PCBP4: variants seen among roughly 807,000 people sequenced by gnomAD.
PCBP4 encodes poly(rC) binding protein 4.
Under a neutral mutation model 46.2 loss-of-function variants are expected in PCBP4, and 24 were observed. The ratio of observed to expected loss-of-function variants is 0.52; its 90% CI spans 0.38 to 0.73. PCBP4 has a LOEUF of 0.73. Ranked by LOEUF, PCBP4 falls within the 30% of genes least tolerant of loss-of-function variation. The pLI is 0.00. For synonymous variants in PCBP4, 203 were observed against 224.4 expected (o/e 0.90, Z 0.85); for missense variants, 407 against 537.0 (o/e 0.76, Z 2.39).
chr3:51,960,132 T>G lies in PCBP4; in HGVS notation c.387+57A>C. On this transcript the variant is annotated intron_variant, in intron 7 of 13. Coordinates refer to ENST00000461554, the MANE Select transcript of PCBP4 (RefSeq NM_001174100.2). The surrounding 1 kb of genome is among the most constrained non-coding windows in gnomAD (Gnocchi z 5.0). The stretch of plus-strand genomic sequence containing the variant: ...GAGGACGCCATAAGCCCAACACCCC[T>G]CTTACAACTGCTCCCTTGCCCCGGA... The G allele has an allele frequency of 1.2e-6, 2 of 1,614,044 alleles. No homozygotes were observed. Among genetic ancestry groups the G allele is most frequent in the Non-Finnish European group, 1.7e-6 (2 of 1,179,946 alleles).
At chr3:51,965,930 GGGGTACGTTTCACA>G (rs1269156778) in intron 1 of PCBP4, among the ~76,000 whole-genome samples, 1 of 152,176 alleles carries the variant, frequency 6.6e-6, no homozygotes, top group Non-Finnish European at 1.5e-5. Context: ...GCTGGGGGGT[GGGGTACGTTTCACA>G]GAGTCGAGTT....
chr3:51,960,084 A>C lies in PCBP4; in HGVS notation c.388-61T>G. On this transcript the variant is annotated intron_variant, in intron 7 of 13. Coordinates refer to ENST00000461554, the MANE Select transcript of PCBP4 (RefSeq NM_001174100.2). This position sits in a 1 kb window ranked among gnomAD's most constrained non-coding sequence, Gnocchi z 5.0. ...CCCATAACCCAGAAAAGGGCTGCCC[A>C]GGCTCAGAGCTCTCTAGGTGGGGAG... 6.2e-7 allele frequency: 1 copy of C among 1,614,166 alleles called. No homozygotes were observed. The highest frequency in any genetic ancestry group is 8.5e-7 in the Non-Finnish European group (1 of 1,179,990).
chr3:51,959,786 G>A lies in PCBP4; in HGVS notation c.516+109C>T. On this transcript the variant is annotated intron_variant, in intron 8 of 13. Transcript: ENST00000461554. This position sits in a 1 kb window ranked among gnomAD's most constrained non-coding sequence, Gnocchi z 5.6. The stretch of plus-strand genomic sequence containing the variant: ...TCCCTGGAGCTCATCATCCATCCCT[G>A]CAGCCCTGCCCTGCCCCACCTGCAG... 5 of 1,509,804 alleles carry A rather than the reference G, an allele frequency of 3.3e-6. No individual in the cohort carries two copies. The highest frequency in any genetic ancestry group is 1.4e-5 in the African/African-American group (1 of 72,530). 93.5% of individuals were successfully genotyped at this position (1,509,804 alleles called of 1,614,324 possible). A position where few individuals can be genotyped will look rare whatever the true frequency, so the allele number is the denominator to read the frequency against.
rs77848525 is a variant in PCBP4 at position 51,959,402 on chromosome 3, C to G, written c.601G>C (p.Val201Leu). Residue 201 changes from valine (V) to leucine (L), a missense_variant, in exon 10 of 14, where the codon GTC becomes CTC. Physicochemically the swap from Val to Leu is conservative, Grantham distance 32. Coordinates refer to ENST00000461554, the MANE Select transcript of PCBP4 (RefSeq NM_001174100.2). This position sits in a 1 kb window ranked among gnomAD's most constrained non-coding sequence, Gnocchi z 5.6. ...VLLSANQGFS[V>L]QGQYGAVTPA... ...GTCACAGCCCCATACTGACCCTGGA[C>G]AGAGAAGCCCTGTGGGGACAAAGTG... 6.2e-7 allele frequency: 1 copy of G among 1,608,444 alleles called. No homozygotes were observed. The highest frequency in any genetic ancestry group is 1.7e-5 in the Admixed American group (1 of 59,488).
At position 51,959,038 on chromosome 3, in the gene PCBP4, C is replaced by T; in HGVS notation, c.753+9G>A. On this transcript the variant is annotated intron_variant, in intron 12 of 13. Transcript: ENST00000461554. The surrounding 1 kb of genome is among the most constrained non-coding windows in gnomAD (Gnocchi z 5.6). ...TACCCACCCTCCAGCCATCCCATCC[C>T]CTGCTCACATCGTTGGGAACCAAGA... The T allele has an allele frequency of 6.2e-7, 1 of 1,613,832 alleles. No individual in the cohort carries two copies. Among genetic ancestry groups the T allele is most frequent in the Non-Finnish European group, 8.5e-7 (1 of 1,179,838 alleles).
chr3:51,961,317 G>T lies in PCBP4; in HGVS notation c.-64-13C>A. 4 of 1,538,886 alleles carry T rather than the reference G, an allele frequency of 2.6e-6. No individual in the cohort carries two copies. The highest frequency in any genetic ancestry group is 1.9e-5 in the Admixed American group (1 of 52,756). ...AACCTGGCCGGCTCTGGCAGGGGCAGCCAAAGAGGGGTTCGAGAGGAGCCC... is the reference window on the plus strand; with the variant it reads ...AACCTGGCCGGCTCTGGCAGGGGCATCCAAAGAGGGGTTCGAGAGGAGCCC... On this transcript the variant is annotated splice_polypyrimidine_tract_variant and intron_variant, in intron 2 of 13. Transcript: ENST00000461554.
At position 51,959,658 on chromosome 3, in the gene PCBP4, G is replaced by A. The variant is rs761500409; in HGVS notation, c.517-7C>T. ...TGGCTCCTTTGGGTGGGGACTGGAAGGCATAAACAGGGCTCTGTCAGGACC... is the reference window on the plus strand; with the variant it reads ...TGGCTCCTTTGGGTGGGGACTGGAAAGCATAAACAGGGCTCTGTCAGGACC... On this transcript the variant is annotated splice_polypyrimidine_tract_variant and splice_region_variant and intron_variant, in intron 8 of 13. Coordinates refer to ENST00000461554, the MANE Select transcript of PCBP4 (RefSeq NM_001174100.2). The surrounding 1 kb of genome is among the most constrained non-coding windows in gnomAD (Gnocchi z 5.6). 9.7e-6 allele frequency: 15 copies of A among 1,550,864 alleles called. No individual in the cohort carries two copies. Among genetic ancestry groups the A allele is most frequent in the South Asian group, 2.4e-5 (2 of 84,100 alleles).
chr3:51,959,966 C>T lies in PCBP4; in HGVS notation c.445G>A (p.Ala149Thr), dbSNP rs1559758685. The change falls in exon 8 of 14, where the codon GCT becomes ACT. Residue 149 changes from alanine (A) to threonine (T), a missense_variant. By Grantham distance (58) the Ala-to-Thr change is moderately conservative. Transcript: ENST00000461554. The surrounding 1 kb of genome is among the most constrained non-coding windows in gnomAD (Gnocchi z 5.6). ...TCAGGCACCCCAGATACCGTAACAG[C>T]TCGCTCTGTGGAGTTGGGGAGCAGG... is the stretch of plus-strand genomic sequence containing the variant. ...GDLLPNSTER[A>T]VTVSGVPDAI... 3.1e-6 allele frequency: 5 copies of T among 1,613,750 alleles called. No individual in the cohort carries two copies. The highest frequency in any genetic ancestry group is 1.1e-5 in the South Asian group (1 of 91,054).
intron 1 of PCBP4, among the ~76,000 whole-genome samples, chr3:51,966,160 G>C (rs528803099): frequency 1.3e-5 from 2 of 152,236 alleles, no homozygotes; most frequent in Admixed American, 1.3e-4. Context: ...GGGCAGCAGT[G>C]ATGGGAGTAG....
At chr3:51,966,270 C>G (rs551073294) in intron 1 of PCBP4, among the ~76,000 whole-genome samples, 1 of 152,276 alleles carries the variant, frequency 6.6e-6, no homozygotes, top group Non-Finnish European at 1.5e-5. Flanking sequence ...CCCAGCCCCC[C>G]ACCCTGAGCA....
At position 51,960,583 on chromosome 3, in the gene PCBP4, G is replaced by T; in HGVS notation, c.198C>A (p.Thr66=). The T allele has an allele frequency of 6.2e-7, 1 of 1,614,172 alleles. No homozygotes were observed. Among genetic ancestry groups the T allele is most frequent in the South Asian group, 1.1e-5 (1 of 91,086 alleles). Residue 66 remains threonine, a synonymous_variant, in exon 6 of 14, where the codon ACC becomes ACA. Coordinates refer to ENST00000461554, the MANE Select transcript of PCBP4 (RefSeq NM_001174100.2). The surrounding 1 kb of genome is among the most constrained non-coding windows in gnomAD (Gnocchi z 5.0). ...CATGGAAGACAGCTGCTGTAGACCC[G>T]GTGATGGTGGTGATGCGTTCAGGGC... ...GSCPERITTI[T]GSTAAVFHAV... is the part of the protein sequence containing the mutation.
Position 51,960,813 on chromosome 3 carries a change from A to T in PCBP4, c.138+53T>A. On this transcript the variant is annotated intron_variant, in intron 5 of 13. Coordinates refer to ENST00000461554, the MANE Select transcript of PCBP4 (RefSeq NM_001174100.2). The surrounding 1 kb of genome is among the most constrained non-coding windows in gnomAD (Gnocchi z 5.0). ...GGTTCAGAGAGAAAGTGGGGCAGGG[A>T]TCTCCCCTCCACATCAGGTGCCCTG... 3.8e-6 allele frequency: 6 copies of T among 1,587,084 alleles called. No individual in the cohort carries two copies. The South Asian group carries it at 6.6e-5, about 18-fold the overall frequency.
chr3:51,960,519 C>T lies in PCBP4; in HGVS notation c.255+7G>A, dbSNP rs755712953. On this transcript the variant is annotated splice_region_variant and intron_variant, in intron 6 of 13. Transcript: ENST00000461554. This position sits in a 1 kb window ranked among gnomAD's most constrained non-coding sequence, Gnocchi z 5.0. ...CTCTTGGCGTCCTGCCCTGGCCAGC[C>T]ACGGACCTCATCCAGTTTGAAAGCA... 7 of 1,608,154 alleles carry T rather than the reference C, an allele frequency of 4.4e-6. No individual in the cohort carries two copies. In the East Asian group the frequency reaches 1.1e-4, roughly 26 times the overall value.
chr3:51,961,457 T>C lies in PCBP4; in HGVS notation c.-64-153A>G, dbSNP rs942002823. ...CACACATCACTCTGACCAGGGTGCT[T>C]ATGTGTGTCTCACGAGCTGTGTAAG... On this transcript the variant is annotated intron_variant, in intron 2 of 13. Transcript: ENST00000461554. The C allele has an allele frequency of 7.7e-6, 7 of 904,016 alleles. No individual in the cohort carries two copies. In the African/African-American group the frequency reaches 8.4e-5, roughly 11 times the overall value. The allele number at this position is 904,016 out of a possible 1,614,324, so 56.0% of individuals were successfully genotyped here.
At chr3:51,965,057 G>A (rs546713206) in intron 1 of PCBP4, among the ~76,000 whole-genome samples, 13 of 152,328 alleles carry the variant, frequency 8.5e-5, no homozygotes, top group African/African-American at 2.6e-4. Flanking sequence ...AGTCAAGCCC[G>A]GGCCCAGGCT....
intron 1 of PCBP4, among the ~76,000 whole-genome samples, chr3:51,967,107 G>A (rs980687011): frequency 6.6e-6 from 1 of 152,140 alleles, no homozygotes; most frequent in East Asian, 1.9e-4. Flanking sequence ...TCAAATCTGG[G>A]ATCTAAGGTC....
rs1700140614 is a variant in PCBP4, at chr3:51,960,979, G to A, written c.105+31C>T. On this transcript the variant is annotated intron_variant, in intron 4 of 13. Transcript: ENST00000461554. The surrounding 1 kb of genome is among the most constrained non-coding windows in gnomAD (Gnocchi z 5.0). The stretch of plus-strand genomic sequence containing the variant: ...CCCTGGGCTGAAGCCTCAGCTGGAG[G>A]GGGATGTACAGAGCAGAGCTAGGCA... 6.2e-7 allele frequency: 1 copy of A among 1,614,178 alleles called. No homozygotes were observed. The highest frequency in any genetic ancestry group is 1.6e-4 in the Middle Eastern group (1 of 6,062).
chr3:51,959,718 T>C lies in PCBP4; in HGVS notation c.517-67A>G, dbSNP rs1700049312. The stretch of plus-strand genomic sequence containing the variant: ...TCCGATAACCTCCCCAGCTGCCCAG[T>C]GGCCTCAGGCCCCCACCATGACCCC... On this transcript the variant is annotated intron_variant, in intron 8 of 13. Coordinates refer to ENST00000461554, the MANE Select transcript of PCBP4 (RefSeq NM_001174100.2). The surrounding 1 kb of genome is among the most constrained non-coding windows in gnomAD (Gnocchi z 5.6). 6.7e-7 allele frequency: 1 copy of C among 1,485,468 alleles called. No individual in the cohort carries two copies. The highest frequency in any genetic ancestry group is 9.2e-7 in the Non-Finnish European group (1 of 1,089,808). The allele number at this position is 1,485,468 out of a possible 1,614,324, so 92.0% of individuals were successfully genotyped here. A position where few individuals can be genotyped will look rare whatever the true frequency, so the allele number is the denominator to read the frequency against.
intron 1 of PCBP4, among the ~76,000 whole-genome samples, chr3:51,964,725 T>G (rs1700336473): frequency 6.6e-6 from 1 of 152,194 alleles, no homozygotes; most frequent in Non-Finnish European, 1.5e-5. Flanking sequence ...TCTCTGGAGA[T>G]GCTCACTCTC....
Sources: gnomAD v4.1 joint callset for allele counts (sites outside exome capture counted in the v4.1 genomes callset) on GRCh38, gnomAD v4.1.1 for gene constraint, Gnocchi (gnomAD v3.1) non-coding constraint, MANE v1.5 for transcripts, NCBI Gene and HGNC (gene_info 2026-07-23, HGNC 2026-07-21) for gene names.